METTL15: variants seen among roughly 807,000 people sequenced by gnomAD.
METTL15 encodes the protein methyltransferase 15, mitochondrial 12S rRNA N4-cytidine.
Under a neutral mutation model 38.3 loss-of-function variants are expected in METTL15, and 34 were observed. The observed-to-expected ratio is 0.89, with a 90% CI of 0.68 to 1.18. The LOEUF (loss-of-function observed/expected upper bound fraction) is 1.18. Among genes scored for constraint, METTL15 ranks in the 50% most tolerant of loss-of-function variants. The pLI is 0.00. For missense variants in METTL15, 438 were observed against 498.4 expected (o/e 0.88, Z 1.15); for synonymous variants, 162 against 170.9 (o/e 0.95, Z 0.41).
intron 4 of METTL15, among the ~76,000 whole-genome samples, chr11:28,277,014 C>T (rs998849649): frequency 1.3e-5 from 2 of 152,110 alleles, no homozygotes; most frequent in African/African-American, 4.8e-5. Context: ...ATAACAAACA[C>T]CTCAAAAGTA....
At chr11:28,487,823 A>G (rs541207678) in intron 6 of METTL15, among the ~76,000 whole-genome samples, 1 of 152,278 alleles carries the variant, frequency 6.6e-6, no homozygotes, top group East Asian at 1.9e-4. Context: ...GTTGAATTGC[A>G]TGAAGTATTA....
At chr11:28,237,678 C>G (rs542024576) in intron 4 of METTL15, among the ~76,000 whole-genome samples, 1 of 152,182 alleles carries the variant, frequency 6.6e-6, no homozygotes, top group Non-Finnish European at 1.5e-5. Context: ...GAGAGGCGCT[C>G]TGTTTTTTAG....
intron 5 of METTL15, among the ~76,000 whole-genome samples, chr11:28,391,024 G>C (rs181607110): frequency 2.0e-5 from 3 of 151,624 alleles, no homozygotes; most frequent in Admixed American, 1.3e-4. Context: ...GATTTGCCTC[G>C]CTGTTTGTCT....
chr11:28,368,143 C>CAAAAAAAAAAAAAAAA, intron 5 of METTL15, among the ~76,000 whole-genome samples: 1 of 87,084 alleles, frequency 1.1e-5, no homozygotes, highest in East Asian at 4.3e-4. Flanking sequence ...AAAAAAAAAA[C>CAAAAAAAAAAAAAAAA]AAAAAAAACA....
chr11:28,222,375 G>A (rs1313885119), intron 4 of METTL15, among the ~76,000 whole-genome samples: 3 of 152,200 alleles, frequency 2.0e-5, no homozygotes, highest in African/African-American at 4.8e-5. Flanking sequence ...TAATCTCCTG[G>A]TGTGCTGTTT....
At chr11:28,247,746 C>CAGT (rs1854573375) in intron 4 of METTL15, among the ~76,000 whole-genome samples, 1 of 152,028 alleles carries the variant, frequency 6.6e-6, no homozygotes, top group Non-Finnish European at 1.5e-5. Flanking sequence ...TTTAGTGGTA[C>CAGT]AGTAGATGGC....
At chr11:28,516,779 A>G (rs1851723319) in intron 6 of METTL15, 1 of 152,260 alleles carries the variant, frequency 6.6e-6, no homozygotes, top group African/African-American at 2.4e-5. Context: ...GTTATGCCTT[A>G]ATAGCTAAGG....
intron 4 of METTL15, among the ~76,000 whole-genome samples, chr11:28,263,606 G>A (rs147785348): frequency 4.6e-5 from 7 of 151,850 alleles, no homozygotes; most frequent in African/African-American, 1.7e-4. Flanking sequence ...GATGTTTTTC[G>A]TCTTTCCATC....
chr11:28,465,084 C>A (rs78917660), intron 6 of METTL15, among the ~76,000 whole-genome samples: 1 of 152,272 alleles, frequency 6.6e-6, no homozygotes, highest in African/African-American at 2.4e-5. Flanking sequence ...TAACACATGG[C>A]CAAGGAACTT....
intron 6 of METTL15, chr11:28,477,697 A>G (rs1851359011): frequency 6.6e-6 from 1 of 152,296 alleles, no homozygotes; most frequent in East Asian, 1.9e-4. Context: ...TTATATTATA[A>G]GAATGCTCAT....
rs1158474787 is a variant in METTL15, at chr11:28,377,492, C to A, written c.*358+15456C>A. On this transcript the variant is annotated intron_variant and NMD_transcript_variant, in intron 5 of 7. Coordinates refer to the METTL15 transcript ENST00000532947. ...TGTGTTGTTCACGTAGTTCTCGAGC[C>A]TTGGTTTTCAGCTCCATCAGCTCCT... is the stretch of plus-strand genomic sequence containing the variant. 7.9e-5 allele frequency among the ~76,000 whole-genome samples: 12 copies of A among 152,046 alleles called. 1 individual carries two copies. Among genetic ancestry groups the A allele is most frequent in the Admixed American group, 3.3e-4 (5 of 15,256 alleles).
chr11:28,460,430 G>A (rs1460700372), intron 6 of METTL15, among the ~76,000 whole-genome samples: 1 of 151,956 alleles, frequency 6.6e-6, no homozygotes, highest in Non-Finnish European at 1.5e-5. Context: ...GCACAGAACT[G>A]GATGATCTGT....
chr11:28,214,691 T>C (rs1299779362), intron 4 of METTL15, among the ~76,000 whole-genome samples: 2 of 152,222 alleles, frequency 1.3e-5, no homozygotes, highest in Non-Finnish European at 2.9e-5. Context: ...AATTAGGATG[T>C]AAATAGGATT....
intron 3 of METTL15, among the ~76,000 whole-genome samples, chr11:28,153,083 C>T (rs1850148636): frequency 6.6e-6 from 1 of 151,866 alleles, no homozygotes; most frequent in African/African-American, 2.4e-5. Context: ...CTTTCATGGC[C>T]ATCTTGGTTT....
intron 3 of METTL15, among the ~76,000 whole-genome samples, chr11:28,168,192 C>A (rs969172589): frequency 1.3e-5 from 2 of 151,834 alleles, no homozygotes; most frequent in Non-Finnish European, 2.9e-5. Flanking sequence ...TATATTCAGG[C>A]ATGGATGTTT....
At chr11:28,210,773 C>T (rs993684008) in intron 3 of METTL15, among the ~76,000 whole-genome samples, 4 of 151,958 alleles carry the variant, frequency 2.6e-5, no homozygotes, top group Admixed American at 1.3e-4. Context: ...GGGGGCACAA[C>T]AGTGTGACCA....
intron 3 of METTL15, among the ~76,000 whole-genome samples, chr11:28,341,255 C>T (rs929611181): frequency 1.3e-5 from 2 of 152,100 alleles, no homozygotes; most frequent in African/African-American, 4.8e-5. Context: ...ACCACCATGG[C>T]ACGTGTATAC....
At chr11:28,464,890 G>A (rs1394208324) in intron 6 of METTL15, among the ~76,000 whole-genome samples, 2 of 152,162 alleles carry the variant, frequency 1.3e-5, no homozygotes, top group Non-Finnish European at 2.9e-5. Flanking sequence ...TTGAAGTTAG[G>A]CAAGAACAAT....
intron 3 of METTL15, among the ~76,000 whole-genome samples, chr11:28,139,716 A>T (rs1026894841): frequency 6.6e-6 from 1 of 151,466 alleles, no homozygotes; most frequent in Admixed American, 6.6e-5. Flanking sequence ...GTGTCTTGTG[A>T]GTTGGGGTCC....
Sources: gnomAD v4.1 joint callset for allele counts (sites outside exome capture counted in the v4.1 genomes callset) on GRCh38, gnomAD v4.1.1 for gene constraint, MANE v1.5 for transcripts, NCBI Gene and HGNC (gene_info 2026-07-23, HGNC 2026-07-21) for gene names.